Variants in FPGS observed in about 807,000 individuals in gnomAD.
FPGS encodes the protein folylpolyglutamate synthase, also known as folylpolyglutamate synthase, mitochondrial.
In FPGS, 53 loss-of-function variants were observed where a neutral mutation model predicts 66.5. That is an observed-to-expected ratio of 0.80 (90% CI 0.64 to 1.00). The LOEUF (loss-of-function observed/expected upper bound fraction) is 1.00. Among genes scored for constraint, FPGS ranks in the 50% least tolerant of loss-of-function variants. FPGS has a pLI of 0.00. For missense variants in FPGS, 702 were observed against 807.7 expected, an observed-to-expected ratio of 0.87 and a Z score of 1.59; for synonymous variants, 348 against 350.9, an observed-to-expected ratio of 0.99 and a Z score of 0.09.
At chr9:127,805,388 C>T (rs374549084) in intron 4 of FPGS, among the ~76,000 whole-genome samples, 26 of 150,570 alleles carry the variant, frequency 1.7e-4, no homozygotes, top group African/African-American at 5.9e-4. Flanking sequence ...TCAGCCTGGG[C>T]GACAGAGCAA....
At position 127,807,240 on chromosome 9, in the gene FPGS, TC is replaced by T. The variant is rs1829851105; in HGVS notation, c.535del (p.Arg179AlafsTer3). 3.1e-6 allele frequency: 5 copies of T among 1,614,104 alleles called. No individual in the cohort carries two copies. The highest frequency in any genetic ancestry group is 4.2e-6 in the Non-Finnish European group (5 of 1,180,000). ...DGSCVSMPPY[F>X]RFLTLMAFHV... ...AGCTGTGTCTCCATGCCCCCCTACT[TC>T]CGCTTCCTGACACTCATGGCCTTCC... On this transcript the variant is annotated frameshift_variant, in exon 6 of 15. Coordinates refer to ENST00000373247, the MANE Select transcript of FPGS (RefSeq NM_004957.6). LOFTEE classifies it high-confidence loss of function. The surrounding 1 kb of genome is among the most constrained non-coding windows in gnomAD (Gnocchi z 5.8).
rs1829674645 is a variant in FPGS at position 127,803,187 on chromosome 9, G to A, written c.138+125G>A. On this transcript the variant is annotated intron_variant, in intron 1 of 14. Coordinates refer to ENST00000373247, the MANE Select transcript of FPGS (RefSeq NM_004957.6). ...GGGAGCCCTGGACTGGGGGACTCGGGGGGCGGAACATCCTGGAGGCTGGGG... is the reference window on the plus strand; with the variant it reads ...GGGAGCCCTGGACTGGGGGACTCGGAGGGCGGAACATCCTGGAGGCTGGGG... The A allele has an allele frequency of 4.0e-6, 5 of 1,258,724 alleles. No individual in the cohort carries two copies. In the South Asian group the frequency reaches 8.5e-5, roughly 21 times the overall value. 78.0% of individuals were successfully genotyped at this position (1,258,724 alleles called of 1,614,324 possible).
In FPGS at chr9:127,807,317, T is replaced by C. The variant is rs1829854528; in HGVS notation, c.579+31T>C. 6.2e-7 allele frequency: 1 copy of C among 1,613,412 alleles called. No homozygotes were observed. Among genetic ancestry groups the C allele is most frequent in the African/African-American group, 1.3e-5 (1 of 74,930 alleles). ...TGCCCTCTCCCTAGAACCCTGCATC[T>C]GAGGCCTTGGGAACGGGAACCTCAG... is the stretch of plus-strand genomic sequence containing the variant. On this transcript the variant is annotated intron_variant, in intron 6 of 14. Coordinates refer to ENST00000373247, the MANE Select transcript of FPGS (RefSeq NM_004957.6). The surrounding 1 kb of genome is among the most constrained non-coding windows in gnomAD (Gnocchi z 5.8).
At chr9:127,805,144 C>G (rs1829759701) in intron 4 of FPGS, among the ~76,000 whole-genome samples, 1 of 152,060 alleles carries the variant, frequency 6.6e-6, no homozygotes, top group Non-Finnish European at 1.5e-5. Context: ...CCACCTCGGC[C>G]TCCTAAAGTG....
chr9:127,812,311 C>G (rs1174934877), intron 14 of FPGS, among the ~76,000 whole-genome samples: 1 of 147,168 alleles, frequency 6.8e-6, no homozygotes, highest in East Asian at 1.9e-4. Flanking sequence ...GGGGAGAGTT[C>G]TGGAATCTGC....
In FPGS at chr9:127,802,958, C is replaced by G; in HGVS notation, c.34C>G (p.Leu12Val). The change falls in exon 1 of 15, where the codon CTA becomes GTA. Residue 12 changes from leucine to valine, a missense_variant. Around this residue, in one of 3 missense-constraint regions of FPGS, gnomAD observed 111 missense variants for 95.4 expected, o/e 1.16. Coordinates refer to ENST00000373247, the MANE Select transcript of FPGS (RefSeq NM_004957.6). ...GGCGCGGAGCCACCTGCGCGCCGCT[C>G]TATTCCTGGCAGCGGCGTCTGCGCG... ...SRARSHLRAA[L>V]FLAAASARGI... 3 of 1,442,130 alleles carry G rather than the reference C, an allele frequency of 2.1e-6. No homozygotes were observed. The highest frequency in any genetic ancestry group is 2.8e-5 in the Admixed American group (1 of 36,002). 89.3% of individuals were successfully genotyped at this position (1,442,130 alleles called of 1,614,324 possible). A position where few individuals can be genotyped will look rare whatever the true frequency, so the allele number is the denominator to read the frequency against.
At position 127,803,193 on chromosome 9, in the gene FPGS, G is replaced by C; in HGVS notation, c.138+131G>C. The C allele has an allele frequency of 1.6e-5, 17 of 1,071,238 alleles. No homozygotes were observed. The East Asian group carries it at 2.4e-4, about 15-fold the overall frequency. The allele number at this position is 1,071,238 out of a possible 1,614,324, so 66.4% of individuals were successfully genotyped here. On this transcript the variant is annotated intron_variant, in intron 1 of 14. Transcript: ENST00000373247. ...CCTGGACTGGGGGACTCGGGGGGCG[G>C]AACATCCTGGAGGCTGGGGGTGGGG...
At chr9:127,809,616 G>A (rs779824084) in intron 11 of FPGS, 68 bp from the exon 12 acceptor site, 98 of 1,455,064 alleles carry the variant, frequency 6.7e-5, no homozygotes, top group Admixed American at 2.5e-4. Flanking sequence ...GGGCTCAGGA[G>A]TGTGTGTGCG....
rs773176622 is a variant in FPGS at position 127,807,178 on chromosome 9, C to T, written c.502-31C>T. On this transcript the variant is annotated intron_variant, in intron 5 of 14. Coordinates refer to ENST00000373247, the MANE Select transcript of FPGS (RefSeq NM_004957.6). The surrounding 1 kb of genome is among the most constrained non-coding windows in gnomAD (Gnocchi z 5.8). ...CTCCCCAGAGAAGGGGCTGCATGGG[C>T]TCTGGGCCCTGACATGTCCCTGTGC... 1.2e-6 allele frequency: 2 copies of T among 1,613,348 alleles called. No individual in the cohort carries two copies. Among genetic ancestry groups the T allele is most frequent in the South Asian group, 1.1e-5 (1 of 91,080 alleles).
rs746876653 is a variant in FPGS at position 127,805,809 on chromosome 9, C to G, written c.386+1109C>G. 7.2e-4 allele frequency among the ~76,000 whole-genome samples: 109 copies of G among 152,176 alleles called. 2 individuals carry two copies. Among genetic ancestry groups the G allele is most frequent in the Non-Finnish European group, 2.6e-4 (18 of 68,022 alleles). Reference sequence around the variant, plus strand: ...TCTGCTTGGCCACTCTCCACTGTGGCTTTGCCCTGGGGCAGCGCCCCCTCT... The same window carrying G: ...TCTGCTTGGCCACTCTCCACTGTGGGTTTGCCCTGGGGCAGCGCCCCCTCT... On this transcript the variant is annotated intron_variant, in intron 4 of 14. Transcript: ENST00000373247.
At position 127,804,324 on chromosome 9, in the gene FPGS, G is replaced by A. The variant is rs770498326; in HGVS notation, c.178G>A (p.Gly60Ser). Residue 60 changes from glycine (G) to serine (S), a missense_variant, in exon 2 of 15, where the codon GGC becomes AGC. Transcript: ENST00000373247. ...RMLNTLQTNA[G>S]YLEQVKRQRG... Reference sequence around the variant, plus strand: ...GCTCAATACCCTGCAGACCAATGCCGGCTACCTGGAGCAGGTGAAGCGCCA... The same window carrying A: ...GCTCAATACCCTGCAGACCAATGCCAGCTACCTGGAGCAGGTGAAGCGCCA... 54 of 1,614,196 alleles carry A rather than the reference G, an allele frequency of 3.3e-5. 1 individual carries two copies. In the South Asian group the frequency reaches 4.2e-4, roughly 12 times the overall value.
At position 127,813,669 on chromosome 9, in the gene FPGS, TA is replaced by T; in HGVS notation, c.*66del. On this transcript the variant is annotated 3_prime_UTR_variant, in exon 15 of 15. Transcript: ENST00000373247. ...CCTGCGTTCTCCCCATGAACTTACATACTAGGTGCCTTTTGTTTTTGGCTTT... is the reference window on the plus strand; with the variant it reads ...CCTGCGTTCTCCCCATGAACTTACATCTAGGTGCCTTTTGTTTTTGGCTTT... 6.8e-7 allele frequency: 1 copy of T among 1,465,670 alleles called. No homozygotes were observed. The highest frequency in any genetic ancestry group is 2.5e-5 in the East Asian group (1 of 39,548). 90.8% of individuals were successfully genotyped at this position (1,465,670 alleles called of 1,614,324 possible).
chr9:127,804,448 C>T, intron 2 of FPGS, 35 bp downstream of exon 2: 4 of 1,613,886 alleles, frequency 2.5e-6, no homozygotes, highest in Non-Finnish European at 1.7e-6. Flanking sequence ...ACCTCCCACC[C>T]CCATTTGTGA....
At chr9:127,814,297 C>T (rs531217581), downstream of FPGS, 30 of 279,586 alleles carry the variant, frequency 1.1e-4, no homozygotes, top group African/African-American at 5.9e-4. Flanking sequence ...CTTGCAGAGA[C>T]CTTGTGATGG....
At chr9:127,814,286 C>A, downstream of FPGS, 1 of 316,532 alleles carries the variant, frequency 3.2e-6, no homozygotes, top group Non-Finnish European at 4.6e-6. Context: ...CTGCAGACCC[C>A]CTTGCAGAGA....
In FPGS at chr9:127,807,603, G is replaced by C; in HGVS notation, c.659G>C (p.Gly220Ala). Residue 220 changes from glycine (G) to alanine (A), a missense_variant, in exon 8 of 15, where the codon GGA (glycine) becomes GCA (alanine). This residue lies in a region of FPGS where 240 missense variants were observed against 348.6 expected (regional missense o/e 0.69). Transcript: ENST00000373247. This position sits in a 1 kb window ranked among gnomAD's most constrained non-coding sequence, Gnocchi z 5.8. ...CCCTGCAGGAAGCCTGTGGTGTGCG[G>C]AGTCTCCTCTCTTGGCATCGACCAC... ...TNIIRKPVVC[G>A]VSSLGIDHTS... 1 of 1,613,034 alleles carries C rather than the reference G, an allele frequency of 6.2e-7. No homozygotes were observed. The highest frequency in any genetic ancestry group is 8.5e-7 in the Non-Finnish European group (1 of 1,179,638).
chr9:127,809,897 AAGGGC>A (rs1829991740), intron 12 of FPGS, 63 bp downstream of exon 12: 1 of 479,068 alleles, frequency 2.1e-6, no homozygotes, highest in African/African-American at 5.0e-5. Context: ...GATCTTGGGG[AAGGGC>A]GGGGCGGGGT....
At position 127,808,649 on chromosome 9, in the gene FPGS, ACGC is replaced by A. The variant is rs1268460844; in HGVS notation, c.919_921del (p.Ala307del). The stretch of plus-strand genomic sequence containing the variant: ...CTGGAGGGGGAGCACCAGCGGTCCA[ACGC>A]CGCCTTGGCCTTGCAGCTGGCCCAC... On this transcript the variant is annotated inframe_deletion, in exon 10 of 15. Transcript: ENST00000373247. 1 of 1,607,580 alleles carries A rather than the reference ACGC, an allele frequency of 6.2e-7. No homozygotes were observed. Among genetic ancestry groups the A allele is most frequent in the African/African-American group, 1.3e-5 (1 of 74,792 alleles).
Position 127,809,852 on chromosome 9 carries a change from G to A in FPGS, c.1211+18G>A, listed in dbSNP as rs1751714026. On this transcript the variant is annotated intron_variant, in intron 12 of 14. Coordinates refer to ENST00000373247, the MANE Select transcript of FPGS (RefSeq NM_004957.6). ...CCGAGCGGGTGAGGGGCAGGGCTGG[G>A]GGTGGGGCCGGGGCTGGCCCACGAG... 7.0e-7 allele frequency: 1 copy of A among 1,434,198 alleles called. No homozygotes were observed. The allele number at this position is 1,434,198 out of a possible 1,614,324, so 88.8% of individuals were successfully genotyped here. A position where few individuals can be genotyped will look rare whatever the true frequency, so the allele number is the denominator to read the frequency against.
Sources: allele counts gnomAD v4.1 joint callset (sites outside exome capture counted in the v4.1 genomes callset), GRCh38; gene constraint gnomAD v4.1.1; regional missense constraint gnomAD v4.1.1; non-coding constraint Gnocchi (gnomAD v3.1); transcripts MANE v1.5; gene names NCBI Gene and HGNC (gene_info 2026-07-23, HGNC 2026-07-21).